NCAPD3: variants seen among roughly 807,000 people sequenced by gnomAD.
NCAPD3 encodes condensin-2 complex subunit D3.
A neutral mutation model predicts 182.9 loss-of-function variants in NCAPD3; 105 were observed. The ratio of observed to expected loss-of-function variants is 0.57; its 90% confidence interval spans 0.49 to 0.68. The LOEUF (loss-of-function observed/expected upper bound fraction) is 0.68, where lower values mean the gene tolerates loss of function less well. NCAPD3 is among the 30% of genes least tolerant of loss of function. The pLI is 0.00. For synonymous variants in NCAPD3, 815 were observed against 679.9 expected (o/e 1.20, Z -3.09); for missense variants, 1,944 against 1,837.0 (o/e 1.06, Z -1.07).
chr11:134,206,884 A>C, intron 7 of NCAPD3, 152 bp from the exon 8 acceptor site: 2 of 694,764 alleles, frequency 2.9e-6, no homozygotes, highest in Admixed American at 3.5e-5. Flanking sequence ...TATATTTCTT[A>C]AACAATGAGC....
rs954716195 is a variant in NCAPD3, at chr11:134,204,588, T to A, written c.1089+311A>T. Among the ~76,000 whole-genome samples, 2 of 152,206 alleles carry A rather than the reference T, an allele frequency of 1.3e-5. No individual in the cohort carries two copies. Among genetic ancestry groups the A allele is most frequent in the South Asian group, 4.1e-4 (2 of 4,830 alleles). On this transcript the variant is annotated intron_variant, in intron 9 of 34. Coordinates refer to ENST00000534548, the MANE Select transcript of NCAPD3 (RefSeq NM_015261.3). The surrounding 1 kb of genome is among the most constrained non-coding windows in gnomAD (Gnocchi z 4.3). ...AATCCAGTATACACATGTTGGGGGA[T>A]GTGGGGTAGGGGTTTAAGTGACACA...
chr11:134,167,716 T>G (rs1334506149), intron 27 of NCAPD3, among the ~76,000 whole-genome samples: 1 of 84,304 alleles, frequency 1.2e-5, no homozygotes. Context: ...GAGGTGAGCT[T>G]GGGGGAGGCG....
rs762479914 is a variant in NCAPD3 at position 134,161,874 on chromosome 11, G to A, written c.3591C>T (p.Phe1197=). 1.9e-6 allele frequency: 3 copies of A among 1,551,348 alleles called. No homozygotes were observed. Among genetic ancestry groups the A allele is most frequent in the South Asian group, 2.3e-5 (2 of 86,556 alleles). The stretch of plus-strand genomic sequence containing the variant: ...TGATAATTGGAATAATATTTTCTAT[G>A]AAATTCCTCTTCTGAACCTGGTAAC... ...KLISQVQKRN[F]IENIIPIIIS... Residue 1197 remains phenylalanine, a synonymous_variant, in exon 28 of 35, where the codon TTC becomes TTT. Transcript: ENST00000534548.
intron 27 of NCAPD3, among the ~76,000 whole-genome samples, chr11:134,163,700 CAAAAAAAAAA>C (rs57961196): frequency 1.5e-5 from 1 of 66,176 alleles, no homozygotes; most frequent in Non-Finnish European, 3.0e-5. Context: ...TACTGTGTCT[CAAAAAAAAAA>C]AAAAAAAAAA....
rs774349905 is a variant in NCAPD3 at position 134,185,342 on chromosome 11, T to C, written c.2230A>G (p.Ile744Val). The C allele has an allele frequency of 2.2e-5, 35 of 1,603,540 alleles. No homozygotes were observed. The highest frequency in any genetic ancestry group is 3.5e-5 in the Admixed American group (2 of 57,836). ...YSRIIQSWEK[I>V]SSQQNPNSNT... ...AAATTAGAAGATACAAACCTGCTGA[T>C]TTTCTCCCAAGATTGTATTATTCTG... Residue 744 changes from isoleucine (I) to valine (V), a missense_variant, in exon 17 of 35, where the codon ATC (isoleucine) becomes GTC (valine). Ile to Val is a conservative substitution (Grantham distance 29). This residue lies in a region of NCAPD3 where 1,803 missense variants were observed against 1,674.6 expected (regional missense o/e 1.08). Transcript: ENST00000534548.
At position 134,209,439 on chromosome 11, in the gene NCAPD3, A is replaced by C. The variant is rs1325167121; in HGVS notation, c.606T>G (p.Ile202Met). Residue 202 changes from isoleucine to methionine, a missense_variant, in exon 5 of 35, where the codon ATT (isoleucine) becomes ATG (methionine). Coordinates refer to ENST00000534548, the MANE Select transcript of NCAPD3 (RefSeq NM_015261.3). Reference protein sequence around the residue: ...EIIEEQEDENICFSARDLSQI... With the variant: ...EIIEEQEDENMCFSARDLSQI... ...GAGAAAGGTCCCGGGCAGAAAAACA[A>C]ATATTCTCATCTTCTTGTTCTTCTA... 2.5e-6 allele frequency: 4 copies of C among 1,612,890 alleles called. No individual in the cohort carries two copies. The Admixed American group carries it at 6.7e-5, about 27-fold the overall frequency.
chr11:134,207,814 TATGTTATTGTTTAA>T (rs2136017091), intron 7 of NCAPD3, among the ~76,000 whole-genome samples: 1 of 150,080 alleles, frequency 6.7e-6, no homozygotes, highest in African/African-American at 2.5e-5. Context: ...TTTTCCCACC[TATGTTATTGTTTAA>T]AATATTTAAA....
In NCAPD3 at chr11:134,223,942, G is replaced by A; in HGVS notation, c.-16C>T. 1 of 1,609,726 alleles carries A rather than the reference G, an allele frequency of 6.2e-7. No individual in the cohort carries two copies. The highest frequency in any genetic ancestry group is 8.5e-7 in the Non-Finnish European group (1 of 1,178,974). Reference sequence around the variant, plus strand: ...ACGCCACCATGATCCCAGGGCACCGGCTCGCCGCCGCCGTGCTCAACTTTC... The same window carrying A: ...ACGCCACCATGATCCCAGGGCACCGACTCGCCGCCGCCGTGCTCAACTTTC... On this transcript the variant is annotated 5_prime_UTR_variant, in exon 1 of 35. Coordinates refer to ENST00000534548, the MANE Select transcript of NCAPD3 (RefSeq NM_015261.3).
At position 134,166,970 on chromosome 11, in the gene NCAPD3, G is replaced by A. The variant is rs1450637902; in HGVS notation, c.3573+1026C>T. The stretch of plus-strand genomic sequence containing the variant: ...ACTCACTAGTGAGATGAGCTTAGGG[G>A]AGCTGCACACTCACTAGTGAGATGA... On this transcript the variant is annotated intron_variant, in intron 27 of 34. Transcript: ENST00000534548. Among the ~76,000 whole-genome samples the A allele has an allele frequency of 6.9e-5, 9 of 130,798 alleles. No homozygotes were observed. In the East Asian group the frequency reaches 1.8e-3, roughly 26 times the overall value. The allele number at this position is 130,798 out of a possible 152,430, so 85.8% of individuals were successfully genotyped here. A position where few individuals can be genotyped will look rare whatever the true frequency, so the allele number is the denominator to read the frequency against.
At chr11:134,160,216 A>G in intron 28 of NCAPD3, 142 bp from the exon 29 acceptor site, 2 of 773,562 alleles carry the variant, frequency 2.6e-6, no homozygotes, top group South Asian at 2.0e-5. Flanking sequence ...AAGTTAAGAA[A>G]GAAAAAAGCC....
Position 134,158,385 on chromosome 11 carries a change from T to G in NCAPD3, c.3978A>C (p.Ala1326=), listed in dbSNP as rs1304141960. 1.9e-6 allele frequency: 3 copies of G among 1,614,206 alleles called. No individual in the cohort carries two copies. The highest frequency in any genetic ancestry group is 2.5e-6 in the Non-Finnish European group (3 of 1,180,038). The change falls in exon 30 of 35, where the codon GCA becomes GCC. Residue 1326 remains alanine (A), a synonymous_variant. Coordinates refer to ENST00000534548, the MANE Select transcript of NCAPD3 (RefSeq NM_015261.3). ...CTPRASAGHV[A]VSSPTPETGP... ...CTGTTTCAGGTGTAGGAGATGATAC[T>G]GCTACATGGCCAGCACTTGCCCTGG...
chr11:134,167,889 A>G lies in NCAPD3; in HGVS notation c.3573+107T>C, dbSNP rs1240362916. The G allele has an allele frequency of 4.9e-6, 5 of 1,030,682 alleles. No homozygotes were observed. In the Admixed American group the frequency reaches 9.8e-5, roughly 20 times the overall value. 63.8% of individuals were successfully genotyped at this position (1,030,682 alleles called of 1,614,324 possible). Reference sequence around the variant, plus strand: ...TGAGATGAGCTTGGGGGAGGTGCACACTCACTTGTGAGATGAGCTTGGGGG... The same window carrying G: ...TGAGATGAGCTTGGGGGAGGTGCACGCTCACTTGTGAGATGAGCTTGGGGG... On this transcript the variant is annotated intron_variant, in intron 27 of 34. Transcript: ENST00000534548.
chr11:134,161,935 G>A (rs748628442), intron 27 of NCAPD3, 44 bp from the exon 28 acceptor site: 2 of 1,011,282 alleles, frequency 2.0e-6, no homozygotes, highest in East Asian at 5.2e-5. Flanking sequence ...ATGAACTTCT[G>A]AAAGACAGGC....
At chr11:134,192,945 A>C (rs1393453248) in intron 15 of NCAPD3, 36 bp from the exon 16 acceptor site, 3 of 1,212,366 alleles carry the variant, frequency 2.5e-6, no homozygotes, top group Non-Finnish European at 3.7e-6. Flanking sequence ...AGAAGGTCTA[A>C]ATACAAGTCA....
chr11:134,169,978 A>C (rs1270094192), intron 24 of NCAPD3, among the ~76,000 whole-genome samples: 1 of 152,350 alleles, frequency 6.6e-6, no homozygotes, highest in Non-Finnish European at 1.5e-5. Flanking sequence ...AAGACTGTCC[A>C]AACAGCAGAC....
rs999223883 is a variant in NCAPD3 at position 134,152,931 on chromosome 11, T to G, written c.*13A>C. 2.6e-6 allele frequency: 4 copies of G among 1,524,776 alleles called. No homozygotes were observed. In the African/African-American group the frequency reaches 4.2e-5, roughly 16 times the overall value. The allele number at this position is 1,524,776 out of a possible 1,614,324, so 94.5% of individuals were successfully genotyped here. A position where few individuals can be genotyped will look rare whatever the true frequency, so the allele number is the denominator to read the frequency against. On this transcript the variant is annotated 3_prime_UTR_variant, in exon 35 of 35. Transcript: ENST00000534548. ...GGGCTCCTGCCTGCCTGGACACTGG[T>G]GGGAGGCGCTGTTTAGTTGGCTGTT...
chr11:134,194,078 A>G lies in NCAPD3; in HGVS notation c.1762T>C (p.Cys588Arg), dbSNP rs779768094. 1 of 1,614,142 alleles carries G rather than the reference A, an allele frequency of 6.2e-7. No homozygotes were observed. The highest frequency in any genetic ancestry group is 8.5e-7 in the Non-Finnish European group (1 of 1,179,930). Residue 588 changes from cysteine (C) to arginine (R), a missense_variant, in exon 15 of 35, where the codon TGT (cysteine) becomes CGT (arginine). Transcript: ENST00000534548. ...KEDLWILQDQ[C>R]RDPAVSVRKQ... Reference sequence around the variant, plus strand: ...CGGACAGACACTGCAGGGTCCCGACACTGGTCCTGCAGAATCCACAGGTCT... The same window carrying G: ...CGGACAGACACTGCAGGGTCCCGACGCTGGTCCTGCAGAATCCACAGGTCT...
Position 134,204,701 on chromosome 11 carries a change from A to C in NCAPD3, c.1089+198T>G, listed in dbSNP as rs75780284. On this transcript the variant is annotated intron_variant, in intron 9 of 34. Coordinates refer to ENST00000534548, the MANE Select transcript of NCAPD3 (RefSeq NM_015261.3). This position sits in a 1 kb window ranked among gnomAD's most constrained non-coding sequence, Gnocchi z 4.3. ...TGTATGTTCAACATTTTTCCAAAACAAAGTTTTTTTGTTTTTTTGTTTTTT... is the reference window on the plus strand; with the variant it reads ...TGTATGTTCAACATTTTTCCAAAACCAAGTTTTTTTGTTTTTTTGTTTTTT... Among the ~76,000 whole-genome samples, 3,938 of 152,236 alleles carry C rather than the reference A, an allele frequency of 0.026. 185 individuals carry two copies. The highest frequency in any genetic ancestry group is 0.09 in the African/African-American group (3,744 of 41,522).
chr11:134,211,573 C>CCCAT (rs1275222859), intron 3 of NCAPD3, among the ~76,000 whole-genome samples: 1 of 151,880 alleles, frequency 6.6e-6, no homozygotes, highest in Non-Finnish European at 1.5e-5. Context: ...GAAAATGTGC[C>CCCAT]CCATAAGAAA....
Sources: allele counts gnomAD v4.1 joint callset (sites outside exome capture counted in the v4.1 genomes callset), GRCh38; gene constraint gnomAD v4.1.1; regional missense constraint gnomAD v4.1.1; non-coding constraint Gnocchi (gnomAD v3.1); transcripts MANE v1.5; gene names NCBI Gene and HGNC (gene_info 2026-07-23, HGNC 2026-07-21).